The following PTK2B variants were observed in gnomAD, a reference collection of about 807,000 sequenced individuals.
PTK2B encodes protein-tyrosine kinase 2-beta.
PTK2B carries 71 observed loss-of-function variants against 142.9 expected under a neutral mutation model. The ratio of observed to expected loss-of-function variants is 0.50; its 90% confidence interval spans 0.41 to 0.61. The LOEUF (loss-of-function observed/expected upper bound fraction) is 0.61. PTK2B is among the 20% of genes least tolerant of loss of function. PTK2B has a pLI of 0.00. For synonymous variants in PTK2B, 519 were observed against 503.4 expected (o/e 1.03, Z -0.42); for missense variants, 1,105 against 1,320.4 (o/e 0.84, Z 2.53).
chr8:27,318,957 G>T (rs1455048865), intron 3 of PTK2B, among the ~76,000 whole-genome samples: 1 of 150,338 alleles, frequency 6.7e-6, no homozygotes, highest in African/African-American at 2.5e-5. Context: ...GGCCTTTCGT[G>T]TTGTTCTTTA....
intron 1 of PTK2B, among the ~76,000 whole-genome samples, chr8:27,381,237 T>G (rs1307067241): frequency 1.3e-5 from 2 of 152,150 alleles, no homozygotes; most frequent in Non-Finnish European, 2.9e-5. Flanking sequence ...ATACAATAAA[T>G]TATTGACTCT....
At chr8:27,380,603 T>C (rs925176989) in intron 1 of PTK2B, 4 of 152,036 alleles carry the variant, frequency 2.6e-5, no homozygotes, top group African/African-American at 9.7e-5. Flanking sequence ...GACAAGAAAC[T>C]AAAACTGAAA....
chr8:27,342,839 A>G (rs1000194467), intron 1 of PTK2B, among the ~76,000 whole-genome samples: 2 of 152,198 alleles, frequency 1.3e-5, no homozygotes, highest in African/African-American at 4.8e-5. Context: ...AGTGGGTCAC[A>G]TAGAAGATGT....
intron 3 of PTK2B, among the ~76,000 whole-genome samples, chr8:27,319,605 C>G (rs902437032): frequency 9.7e-5 from 14 of 143,842 alleles, no homozygotes; most frequent in Non-Finnish European, 1.6e-4. Context: ...GATTGCACCA[C>G]TGCCCTCTAG....
intron 3 of PTK2B, among the ~76,000 whole-genome samples, chr8:27,314,967 T>C (rs1803061758): frequency 6.6e-6 from 1 of 152,194 alleles, no homozygotes; most frequent in Admixed American, 6.5e-5. Context: ...CCCTTTCCTC[T>C]TCTTAACCTT....
intron 9 of PTK2B, 127 bp downstream of exon 9, chr8:27,431,599 G>A: frequency 7.9e-7 from 1 of 1,267,724 alleles, no homozygotes; most frequent in Non-Finnish European, 1.1e-6. Flanking sequence ...TTCTTCTAAG[G>A]CCATGCCCTG....
At chr8:27,315,518 T>A (rs1039894415) in intron 3 of PTK2B, among the ~76,000 whole-genome samples, 3 of 152,194 alleles carry the variant, frequency 2.0e-5, no homozygotes, top group African/African-American at 7.2e-5. Context: ...CGTCGTCTCA[T>A]TCTCTTTCAC....
intron 28 of PTK2B, 125 bp from the exon 29 acceptor site, chr8:27,454,029 C>G (rs1404082180): frequency 7.4e-7 from 1 of 1,353,732 alleles, no homozygotes; most frequent in Non-Finnish European, 1.0e-6. Flanking sequence ...CACAATTATT[C>G]TAAAGAAGAG....
At chr8:27,398,844 C>G (rs1249612347) in intron 2 of PTK2B, among the ~76,000 whole-genome samples, 1 of 152,260 alleles carries the variant, frequency 6.6e-6, no homozygotes, top group Admixed American at 6.5e-5. Flanking sequence ...TGCCTTCCGT[C>G]TGCTATAGCA....
intron 27 of PTK2B, 135 bp from the exon 28 acceptor site, chr8:27,452,979 T>C (rs768755186): frequency 6.6e-6 from 7 of 1,058,686 alleles, no homozygotes; most frequent in Non-Finnish European, 9.8e-6. Flanking sequence ...CCCTGCCCGC[T>C]TCCTGGATTC....
rs141057538 is a variant in PTK2B at position 27,395,446 on chromosome 8, T to G, written c.-37-2102T>G. On this transcript the variant is annotated intron_variant, in intron 1 of 30. Coordinates refer to ENST00000346049, the MANE Select transcript of PTK2B (RefSeq NM_173176.3). ...TTGCCTGTTGTCTCTCTGACTAGAG[T>G]GTGTGCTCTTTAGGGAAAGGCATGC... Among the ~76,000 whole-genome samples, 73 of 152,226 alleles carry G rather than the reference T, an allele frequency of 4.8e-4. 2 individuals are homozygous for G. In the East Asian group the frequency reaches 0.014, roughly 29 times the overall value.
chr8:27,391,040 A>G (rs1372107986), intron 1 of PTK2B, among the ~76,000 whole-genome samples: 1 of 151,778 alleles, frequency 6.6e-6, no homozygotes, highest in Non-Finnish European at 1.5e-5. Flanking sequence ...TTTCTGACTA[A>G]TGGGCCCCTT....
At chr8:27,405,356 TGCTAGAGTAGG>T (rs1158719665) in intron 2 of PTK2B, among the ~76,000 whole-genome samples, 1 of 152,120 alleles carries the variant, frequency 6.6e-6, no homozygotes, top group East Asian at 1.9e-4. Context: ...CTTCAGATGC[TGCTAGAGTAGG>T]GCCCAAGGTC....
chr8:27,454,189 T>C lies in PTK2B; in HGVS notation c.2631T>C (p.Asp877=), dbSNP rs763077142. Residue 877 remains aspartate, a synonymous_variant, in exon 29 of 31, where the codon GAT becomes GAC. Transcript: ENST00000346049. ...CCACAGCTAACCTGGACCGGACTGA[T>C]GACCTGGTGTACCTCAATGTCATGG... ...IQPTANLDRT[D]DLVYLNVMEL... is the part of the protein sequence containing the mutation. 8.7e-6 allele frequency: 14 copies of C among 1,613,994 alleles called. No individual in the cohort carries two copies. The highest frequency in any genetic ancestry group is 1.3e-5 in the African/African-American group (1 of 74,904).
chr8:27,337,557 A>G (rs1229517556), intron 1 of PTK2B, among the ~76,000 whole-genome samples: 2 of 152,184 alleles, frequency 1.3e-5, no homozygotes, highest in African/African-American at 2.4e-5. Context: ...TCTACTTTCT[A>G]TTTTTATGGA....
intron 2 of PTK2B, among the ~76,000 whole-genome samples, chr8:27,411,944 T>C (rs940296832): frequency 6.6e-6 from 1 of 152,206 alleles, no homozygotes; most frequent in Non-Finnish European, 1.5e-5. Context: ...ACTCACAGAA[T>C]GCAGGAAAGT....
At position 27,454,790 on chromosome 8, in the gene PTK2B, G is replaced by A. The variant is rs2280377; in HGVS notation, c.2814+179G>A. ...CCAGAGGGCTGAGAGGGCACCCAGG[G>A]ACCTGGCCAGAGGCTAGCAGGGATT... On this transcript the variant is annotated intron_variant, in intron 30 of 30. Transcript: ENST00000346049. 0.011 allele frequency among the ~76,000 whole-genome samples: 1,641 copies of A among 152,256 alleles called. 135 individuals carry two copies. In the East Asian group the frequency reaches 0.21, roughly 19 times the overall value.
intron 30 of PTK2B, among the ~76,000 whole-genome samples, chr8:27,457,734 G>T (rs560683881): frequency 6.6e-6 from 1 of 152,268 alleles, no homozygotes; most frequent in East Asian, 1.9e-4. Context: ...CAGCACTATG[G>T]GAGGCCAAGG....
chr8:27,435,352 G>T (rs539959024), intron 13 of PTK2B, among the ~76,000 whole-genome samples: 2 of 152,202 alleles, frequency 1.3e-5, no homozygotes, highest in Admixed American at 1.3e-4. Context: ...TAATCCCATC[G>T]CATTGGGAAT....
Sources: allele counts gnomAD v4.1 joint callset (sites outside exome capture counted in the v4.1 genomes callset), GRCh38; gene constraint gnomAD v4.1.1; transcripts MANE v1.5; gene names NCBI Gene and HGNC (gene_info 2026-07-23, HGNC 2026-07-21).